NT5DC2: variants seen among roughly 807,000 people sequenced by gnomAD.
NT5DC2 encodes the protein 5'-nucleotidase domain-containing protein 2.
Under a neutral mutation model 70.0 loss-of-function variants are expected in NT5DC2, and 41 were observed. The ratio of observed to expected loss-of-function variants is 0.59; its 90% CI spans 0.46 to 0.76. The LOEUF (loss-of-function observed/expected upper bound fraction) is 0.76. Ranked by LOEUF, NT5DC2 falls within the 30% of genes least tolerant of loss-of-function variation. The pLI is 0.00. For synonymous variants in NT5DC2, 299 were observed against 310.4 expected (o/e 0.96, Z 0.39); for missense variants, 705 against 783.2 (o/e 0.90, Z 1.19).
chr3:52,525,266 C>T lies in NT5DC2; in HGVS notation c.1149G>A (p.Thr383=), dbSNP rs199650625. The part of the protein sequence containing the change: ...QGNLFDFLRL[T]EWRGPRVLYF... ...AGAGCACGCGGGGGCCACGCCATTC[C>T]GTCAAGCGTAAGAAGTCAAACAGGT... Residue 383 remains threonine (T), a synonymous_variant, in exon 11 of 14, where the codon ACG becomes ACA. Transcript: ENST00000422318. 22 of 1,612,836 alleles carry T rather than the reference C, an allele frequency of 1.4e-5. No homozygotes were observed. The East Asian group carries it at 2.5e-4, about 18-fold the overall frequency.
chr3:52,528,551 C>T lies in NT5DC2; in HGVS notation c.549-12G>A, dbSNP rs763354181. ...CAGGCTGGAGGCCCCTGAGCAGGCCCAAGATACCATCAGTCCAAGGTAGTC... is the reference window on the plus strand; with the variant it reads ...CAGGCTGGAGGCCCCTGAGCAGGCCTAAGATACCATCAGTCCAAGGTAGTC... On this transcript the variant is annotated splice_polypyrimidine_tract_variant and intron_variant, in intron 4 of 13. Transcript: ENST00000422318. The T allele has an allele frequency of 1.3e-6, 2 of 1,497,632 alleles. No individual in the cohort carries two copies. The highest frequency in any genetic ancestry group is 1.8e-6 in the Non-Finnish European group (2 of 1,116,534). The allele number at this position is 1,497,632 out of a possible 1,614,324, so 92.8% of individuals were successfully genotyped here. A position where few individuals can be genotyped will look rare whatever the true frequency, so the allele number is the denominator to read the frequency against.
rs2079363188 is a variant in NT5DC2, at chr3:52,531,855, C to T, written c.232+1651G>A. 6.6e-6 allele frequency among the ~76,000 whole-genome samples: 1 copy of T among 152,224 alleles called. No individual in the cohort carries two copies. The highest frequency in any genetic ancestry group is 2.1e-4 in the South Asian group (1 of 4,834). On this transcript the variant is annotated intron_variant, in intron 1 of 13. Coordinates refer to ENST00000422318, the MANE Select transcript of NT5DC2 (RefSeq NM_001134231.2). The surrounding 1 kb of genome is among the most constrained non-coding windows in gnomAD (Gnocchi z 4.1). ...GGCTTGTCTTGTTCAATCCTCACTC[C>T]CATCCTGTGAGGCAGTCCCACTTAT...
chr3:52,528,318 A>C lies in NT5DC2; in HGVS notation c.643-7T>G. The C allele has an allele frequency of 6.2e-7, 1 of 1,613,146 alleles. No individual in the cohort carries two copies. ...ACTGCTTAATGGAGGGACCCTGGGGAGGGGGCCATTGTCTCAGACACCCTT... is the reference window on the plus strand; with the variant it reads ...ACTGCTTAATGGAGGGACCCTGGGGCGGGGGCCATTGTCTCAGACACCCTT... On this transcript the variant is annotated splice_polypyrimidine_tract_variant and splice_region_variant and intron_variant, in intron 5 of 13. Transcript: ENST00000422318.
chr3:52,533,104 C>A (rs1001051732), intron 1 of NT5DC2, among the ~76,000 whole-genome samples: 163 of 152,308 alleles, frequency 1.1e-3, no homozygotes, highest in Non-Finnish European at 2.2e-4. Flanking sequence ...CCGTTCCGCC[C>A]GGCGCCGCTC....
chr3:52,524,933 T>TGGCCCTCCCACAGCCACCCC (rs748989517), intron 12 of NT5DC2, 30 bp downstream of exon 12: 2 of 1,612,482 alleles, frequency 1.2e-6, no homozygotes, highest in Non-Finnish European at 1.7e-6. Context: ...GCTACCGCCC[T>TGGCCCTCCCACAGCCACCCC]GGCCCTCCCA....
In NT5DC2 at chr3:52,529,509, C is replaced by T. The variant is rs2079331899; in HGVS notation, c.233-175G>A. Among the ~76,000 whole-genome samples, 1 of 152,064 alleles carries T rather than the reference C, an allele frequency of 6.6e-6. No individual in the cohort carries two copies. The highest frequency in any genetic ancestry group is 2.4e-5 in the African/African-American group (1 of 41,370). On this transcript the variant is annotated intron_variant, in intron 1 of 13. Coordinates refer to ENST00000422318, the MANE Select transcript of NT5DC2 (RefSeq NM_001134231.2). This position sits in a 1 kb window ranked among gnomAD's most constrained non-coding sequence, Gnocchi z 4.1. ...CAGGCCCAGAGAGAAGTCACTTGCC[C>T]AGGGTCACGCAGTTAGGGTAAGGCA...
intron 10 of NT5DC2, among the ~76,000 whole-genome samples, chr3:52,526,980 A>G (rs1384017364): frequency 6.6e-6 from 1 of 152,186 alleles, no homozygotes; most frequent in Non-Finnish European, 1.5e-5. Flanking sequence ...CCATTCTGAG[A>G]GCTTTATACC....
rs1186161545 is a variant in NT5DC2 at position 52,525,313 on chromosome 3, A to C, written c.1120-18T>G. On this transcript the variant is annotated intron_variant, in intron 10 of 13. Coordinates refer to ENST00000422318, the MANE Select transcript of NT5DC2 (RefSeq NM_001134231.2). ...AGGTTTCCCTAGGGAGAGGAGGGGAATGCTGCTGAGCCAAGTGTGCCTTGT... is the reference window on the plus strand; with the variant it reads ...AGGTTTCCCTAGGGAGAGGAGGGGACTGCTGCTGAGCCAAGTGTGCCTTGT... The C allele has an allele frequency of 1.1e-5, 18 of 1,601,798 alleles. No homozygotes were observed. The South Asian group carries it at 1.2e-4, about 11-fold the overall frequency.
intron 1 of NT5DC2, chr3:52,532,523 C>T (rs2079374666): frequency 1.0e-6 from 1 of 984,576 alleles, no homozygotes; most frequent in Admixed American, 6.1e-5. Context: ...GTGAAAACCC[C>T]TGTCTAGCCA....
rs200789146 is a variant in NT5DC2 at position 52,527,332 on chromosome 3, G to A, written c.1081C>T (p.Arg361Trp). The A allele has an allele frequency of 2.2e-5, 35 of 1,614,114 alleles. No individual in the cohort carries two copies. In the East Asian group the frequency reaches 4.9e-4, roughly 23 times the overall value. ...TTGCCCTTTTCCAAGCGGGTGATCCGGTCCCACTGAAGTGAGCCCTTCTCA... is the reference window on the plus strand; with the variant it reads ...TTGCCCTTTTCCAAGCGGGTGATCCAGTCCCACTGAAGTGAGCCCTTCTCA... Reference protein sequence around the residue: ...LDEKGSLQWDRITRLEKGKIY... With the variant: ...LDEKGSLQWDWITRLEKGKIY... The change falls in exon 10 of 14, where the codon CGG (arginine) becomes TGG (tryptophan). Residue 361 changes from arginine to tryptophan, a missense_variant. Coordinates refer to ENST00000422318, the MANE Select transcript of NT5DC2 (RefSeq NM_001134231.2).
rs138017451 is a variant in NT5DC2, at chr3:52,527,831, G to A, written c.933C>T (p.Phe311=). Residue 311 remains phenylalanine (F), a splice_region_variant and synonymous_variant, in exon 8 of 14, where the codon TTC becomes TTT. Transcript: ENST00000422318. ...CCATCCACAGGGGCTGGACTCACAC[G>A]AAGCTGAAAGGACTGTTGGTGATGA... ...LFLITNSPFS[F]VDKGMRHMVG... 24 of 1,613,284 alleles carry A rather than the reference G, an allele frequency of 1.5e-5. No homozygotes were observed. The African/African-American group carries it at 1.6e-4, about 11-fold the overall frequency.
At chr3:52,532,773 A>C (rs2079378037) in intron 1 of NT5DC2, among the ~76,000 whole-genome samples, 1 of 152,080 alleles carries the variant, frequency 6.6e-6, no homozygotes, top group African/African-American at 2.4e-5. Context: ...CTGCTGCAGA[A>C]GCAGGGCCCC....
At chr3:52,527,472 G>T in intron 9 of NT5DC2, 97 bp from the exon 10 acceptor site, 1 of 1,475,238 alleles carries the variant, frequency 6.8e-7, no homozygotes, top group Non-Finnish European at 9.4e-7. Context: ...CTGCTCAAGT[G>T]GACCCATGCC....
chr3:52,532,660 C>T (rs1458506069), intron 1 of NT5DC2: 2 of 218,608 alleles, frequency 9.1e-6, no homozygotes, highest in Non-Finnish European at 1.6e-5. Flanking sequence ...AACCCTGGGA[C>T]AGAGAGGCCC....
Position 52,529,166 on chromosome 3 carries a change from A to G in NT5DC2, c.401T>C (p.Leu134Pro), listed in dbSNP as rs1427399191. The change falls in exon 2 of 14, where the codon CTG (leucine) becomes CCG (proline). Residue 134 changes from leucine (L) to proline (P), a missense_variant. Transcript: ENST00000422318. This position sits in a 1 kb window ranked among gnomAD's most constrained non-coding sequence, Gnocchi z 4.1. ...CCGTCTCACCTTGTAGTGCTCGATC[A>G]GGATGTCACGGGCGGTACTGAAGAT... ...PEIFSTARDI[L>P]IEHYKYPEGI... 6.2e-7 allele frequency: 1 copy of G among 1,613,910 alleles called. No individual in the cohort carries two copies. The highest frequency in any genetic ancestry group is 8.5e-7 in the Non-Finnish European group (1 of 1,179,988).
upstream of NT5DC2, chr3:52,534,839 T>G (rs1466281531): frequency 1.5e-6 from 1 of 674,024 alleles, no homozygotes; most frequent in Non-Finnish European, 2.5e-6. Context: ...GAACCTTGAT[T>G]GAAGACCTAC....
chr3:52,528,225 G>C lies in NT5DC2; in HGVS notation c.729C>G (p.His243Gln), dbSNP rs2079308256. 6.2e-7 allele frequency: 1 copy of C among 1,613,272 alleles called. No individual in the cohort carries two copies. The highest frequency in any genetic ancestry group is 1.1e-5 in the South Asian group (1 of 91,090). Residue 243 changes from histidine (H) to glutamine (Q), a missense_variant, in exon 6 of 14, where the codon CAC becomes CAG. Coordinates refer to ENST00000422318, the MANE Select transcript of NT5DC2 (RefSeq NM_001134231.2). Reference sequence around the variant, plus strand: ...GATGTGCTTGGTCAAACTCCAGGCTGTGGCCCAGAAAGTAGTCCACCACAC... The same window carrying C: ...GATGTGCTTGGTCAAACTCCAGGCTCTGGCCCAGAAAGTAGTCCACCACAC... ...LSCVVDYFLG[H>Q]SLEFDQAHLY...
At chr3:52,530,244 T>A (rs1251423082) in intron 1 of NT5DC2, among the ~76,000 whole-genome samples, 1 of 152,214 alleles carries the variant, frequency 6.6e-6, no homozygotes, top group Non-Finnish European at 1.5e-5. Flanking sequence ...CCACCCCAAG[T>A]CCCTGGCTGC....
In NT5DC2 at chr3:52,527,389, A is replaced by T. The variant is rs1316585480; in HGVS notation, c.1038-14T>A. ...TTTCTGAAAGGCCTGGGGTGCAGGT[A>T]AAGGGCATGACTTCCAGTCTGTGGC... On this transcript the variant is annotated splice_polypyrimidine_tract_variant and intron_variant, in intron 9 of 13. Transcript: ENST00000422318. 5 of 1,613,556 alleles carry T rather than the reference A, an allele frequency of 3.1e-6. No homozygotes were observed. The highest frequency in any genetic ancestry group is 1.7e-6 in the Non-Finnish European group (2 of 1,179,584).
Sources: gnomAD v4.1 joint callset for allele counts (sites outside exome capture counted in the v4.1 genomes callset) on GRCh38, gnomAD v4.1.1 for gene constraint, Gnocchi (gnomAD v3.1) non-coding constraint, MANE v1.5 for transcripts, NCBI Gene and HGNC (gene_info 2026-07-23, HGNC 2026-07-21) for gene names.